Variants in INPP5B observed in about 807,000 individuals in gnomAD.
INPP5B encodes the protein type II inositol 1,4,5-trisphosphate 5-phosphatase.
In INPP5B, 90 loss-of-function variants were observed where a neutral mutation model predicts 118.5. The ratio of observed to expected loss-of-function variants is 0.76; its 90% CI spans 0.64 to 0.90. The LOEUF (loss-of-function observed/expected upper bound fraction) is 0.90. Among genes scored for constraint, INPP5B ranks in the 40% least tolerant of loss-of-function variants. The probability of loss-of-function intolerance (pLI) is 0.00; values close to 1 mark genes in which losing one functional copy is unlikely to be tolerated. For synonymous variants in INPP5B, 385 were observed against 418.9 expected, an observed-to-expected ratio of 0.92 and a Z score of 0.99; for missense variants, 984 against 1,125.6, an observed-to-expected ratio of 0.87 and a Z score of 1.80.
intron 5 of INPP5B, among the ~76,000 whole-genome samples, chr1:37,941,155 G>C (rs1645893619): frequency 6.6e-6 from 1 of 152,136 alleles, no homozygotes; most frequent in South Asian, 2.1e-4. Flanking sequence ...CCATGGGTCA[G>C]TCTACCTGAC....
At position 37,866,443 on chromosome 1, in the gene INPP5B, A is replaced by ACAC. The variant is rs755734420; in HGVS notation, c.2386+15_2386+16insGTG. ...ACACACACACACACACACAGAGCTG[A>ACAC]ATGTCTGAAGGATACAGAGGTTATC... is the stretch of plus-strand genomic sequence containing the variant. On this transcript the variant is annotated intron_variant, in intron 21 of 23. Transcript: ENST00000373024. 70 of 1,091,296 alleles carry ACAC rather than the reference A, an allele frequency of 6.4e-5. No individual in the cohort carries two copies. In the African/African-American group the frequency reaches 9.6e-4, roughly 15 times the overall value. The allele number at this position is 1,091,296 out of a possible 1,614,324, so 67.6% of individuals were successfully genotyped here.
intron 7 of INPP5B, among the ~76,000 whole-genome samples, chr1:37,911,513 C>G (rs1428307178): frequency 6.6e-6 from 1 of 152,152 alleles, no homozygotes; most frequent in South Asian, 2.1e-4. Context: ...CGCCACTCAC[C>G]AGCAAAGGGA....
At chr1:37,931,591 G>A (rs1161930090) in intron 7 of INPP5B, 2 of 1,537,994 alleles carry the variant, frequency 1.3e-6, no homozygotes, top group Non-Finnish European at 1.7e-6. Flanking sequence ...TGGCCAAACC[G>A]CCGACCCTGC....
At chr1:37,926,232 G>A (rs1645222838) in intron 7 of INPP5B, among the ~76,000 whole-genome samples, 1 of 151,896 alleles carries the variant, frequency 6.6e-6, no homozygotes, top group African/African-American at 2.4e-5. Context: ...TGTTTCCTGG[G>A]TCCAGAAGAA....
chr1:37,903,075 G>A (rs1034163931), intron 7 of INPP5B, among the ~76,000 whole-genome samples: 1 of 152,108 alleles, frequency 6.6e-6, no homozygotes, highest in Non-Finnish European at 1.5e-5. Context: ...TTTATCAGAG[G>A]CATTTGAACC....
chr1:37,943,270 C>T lies in INPP5B; in HGVS notation c.280+370G>A, dbSNP rs558016809. ...CCCCCCAAAGTGCTGGGATTACAGG[C>T]GTGAGCCACTGCCCTGGCCTAATTT... On this transcript the variant is annotated intron_variant, in intron 5 of 23. Coordinates refer to ENST00000373024, the MANE Select transcript of INPP5B (RefSeq NM_005540.3). 1.3e-3 allele frequency among the ~76,000 whole-genome samples: 200 copies of T among 152,114 alleles called. 3 individuals carry two copies. Among genetic ancestry groups the T allele is most frequent in the African/African-American group, 3.8e-3 (156 of 41,508 alleles).
chr1:37,922,196 T>C (rs1036504753), intron 7 of INPP5B, among the ~76,000 whole-genome samples: 1 of 151,826 alleles, frequency 6.6e-6, no homozygotes, highest in African/African-American at 2.4e-5. Context: ...AGCTAGAATC[T>C]GTCTCAAAAA....
chr1:37,872,412 T>C (rs1349148233), intron 19 of INPP5B, among the ~76,000 whole-genome samples: 4 of 150,636 alleles, frequency 2.7e-5, no homozygotes, highest in Non-Finnish European at 4.4e-5. Context: ...TCTCCACTTG[T>C]AGAATCTAGT....
At position 37,865,892 on chromosome 1, in the gene INPP5B, T is replaced by C. The variant is rs774037773; in HGVS notation, c.2387-4A>G. 1.2e-5 allele frequency: 19 copies of C among 1,612,338 alleles called. No individual in the cohort carries two copies. The South Asian group carries it at 2.1e-4, about 18-fold the overall frequency. On this transcript the variant is annotated splice_polypyrimidine_tract_variant and splice_region_variant and intron_variant, in intron 21 of 23. Coordinates refer to ENST00000373024, the MANE Select transcript of INPP5B (RefSeq NM_005540.3). ...GCTACAGAATGATTGCTGGCAGCTT[T>C]TGGCCCCATTGTTAAGGAACCGATA...
intron 7 of INPP5B, among the ~76,000 whole-genome samples, chr1:37,895,919 T>A (rs559503119): frequency 6.6e-6 from 1 of 152,356 alleles, no homozygotes; most frequent in East Asian, 1.9e-4. Flanking sequence ...GATTGCAGCC[T>A]CTGCCCGGCC....
intron 14 of INPP5B, among the ~76,000 whole-genome samples, chr1:37,882,154 T>C (rs1210829779): frequency 2.0e-5 from 3 of 150,012 alleles, no homozygotes; most frequent in Non-Finnish European, 3.0e-5. Flanking sequence ...CTAAGGTTAC[T>C]AAAAGGGAGG....
chr1:37,917,253 C>T (rs1474303035), intron 7 of INPP5B, among the ~76,000 whole-genome samples: 2 of 134,766 alleles, frequency 1.5e-5, no homozygotes, highest in African/African-American at 5.5e-5. Flanking sequence ...TGTGCCACTG[C>T]ACTCCTGCCT....
At chr1:37,913,257 AAAAAAC>A (rs762975289) in intron 7 of INPP5B, among the ~76,000 whole-genome samples, 31 of 152,320 alleles carry the variant, frequency 2.0e-4, no homozygotes, top group Middle Eastern at 3.4e-3. Context: ...AGTCTGTCTC[AAAAAAC>A]AAAAACAAAA....
intron 23 of INPP5B, among the ~76,000 whole-genome samples, chr1:37,863,766 C>T (rs117604158): frequency 1.3e-5 from 2 of 150,588 alleles, no homozygotes; most frequent in Non-Finnish European, 1.5e-5. Context: ...GGCCCTCCAT[C>T]GTATATGTGG....
At chr1:37,865,660 TCA>T (rs1641983694) in intron 22 of INPP5B, 99 bp downstream of exon 22, 8 of 1,310,618 alleles carry the variant, frequency 6.1e-6, no homozygotes, top group Non-Finnish European at 8.6e-6. Context: ...GATAAGGTGT[TCA>T]GTTTCTGAGA....
At chr1:37,883,227 G>C (rs1197785293) in intron 13 of INPP5B, 1 of 985,220 alleles carries the variant, frequency 1.0e-6, no homozygotes, top group Non-Finnish European at 1.2e-6. Flanking sequence ...CCTGGGAAGA[G>C]GGAAAAAAAA....
chr1:37,921,117 A>G (rs1200706500), intron 7 of INPP5B, among the ~76,000 whole-genome samples: 2 of 152,200 alleles, frequency 1.3e-5, no homozygotes, highest in Non-Finnish European at 2.9e-5. Flanking sequence ...AAAATAAATC[A>G]ATAAATAAAA....
intron 9 of INPP5B, among the ~76,000 whole-genome samples, chr1:37,889,340 C>T (rs1418417646): frequency 6.6e-6 from 1 of 152,212 alleles, no homozygotes; most frequent in Non-Finnish European, 1.5e-5. Flanking sequence ...AGTCGTGTCA[C>T]TCCCACTATA....
chr1:37,886,923 C>G lies in INPP5B; in HGVS notation c.1096G>C (p.Ala366Pro), dbSNP rs1452951651. The change falls in exon 12 of 24, where the codon GCC becomes CCC. Residue 366 changes from alanine to proline, a missense_variant. Physicochemically the swap from Ala to Pro is conservative, Grantham distance 27. Coordinates refer to ENST00000373024, the MANE Select transcript of INPP5B (RefSeq NM_005540.3). Reference protein sequence around the residue: ...EHAAYISEVEAETVGTGIMGR... With the variant: ...EHAAYISEVEPETVGTGIMGR... ...ATGATTCCTGTCCCCACAGTCTCGG[C>G]TTCCACTTCTGAGATATAAGCTGCA... The G allele has an allele frequency of 6.2e-7, 1 of 1,614,206 alleles. No homozygotes were observed. Among genetic ancestry groups the G allele is most frequent in the South Asian group, 1.1e-5 (1 of 91,086 alleles).
Sources: allele counts gnomAD v4.1 joint callset (sites outside exome capture counted in the v4.1 genomes callset), GRCh38; gene constraint gnomAD v4.1.1; transcripts MANE v1.5; gene names NCBI Gene and HGNC (gene_info 2026-07-23, HGNC 2026-07-21).